CTNNBL1: variants seen among roughly 807,000 people sequenced by gnomAD.
CTNNBL1 encodes catenin beta like 1.
A neutral mutation model predicts 72.7 loss-of-function variants in CTNNBL1; 31 were observed. The observed-to-expected ratio is 0.43, with a 90% CI of 0.32 to 0.58. CTNNBL1 has a LOEUF of 0.58. CTNNBL1 is among the 20% of genes least tolerant of loss of function. The pLI is 0.08. For missense variants in CTNNBL1, 534 were observed against 725.1 expected (o/e 0.74, Z 3.03); for synonymous variants, 240 against 267.3 (o/e 0.90, Z 1.00).
chr20:37,802,121 A>C (rs558611015), intron 10 of CTNNBL1, among the ~76,000 whole-genome samples: 1 of 152,340 alleles, frequency 6.6e-6, no homozygotes, highest in African/African-American at 2.4e-5. Context: ...AACAAACCAA[A>C]TGTCCTTCAA....
Position 37,871,953 on chromosome 20 carries a change from G to A in CTNNBL1, c.1632G>A (p.Arg544=). 6.2e-7 allele frequency: 1 copy of A among 1,614,086 alleles called. No homozygotes were observed. Among genetic ancestry groups the A allele is most frequent in the Middle Eastern group, 1.6e-4 (1 of 6,062 alleles). ...ATGCAGAGAACATCGGGGACGGCCG[G>A]AGCCCGGAGTTCCGGGAGAACGAGC... ...KEYAENIGDG[R]SPEFRENEQK... Residue 544 remains arginine, a synonymous_variant, in exon 16 of 16, where the codon CGG becomes CGA. Coordinates refer to ENST00000361383, the MANE Select transcript of CTNNBL1 (RefSeq NM_030877.5).
intron 10 of CTNNBL1, among the ~76,000 whole-genome samples, chr20:37,798,254 T>A (rs546285465): frequency 6.6e-6 from 1 of 152,240 alleles, no homozygotes; most frequent in Admixed American, 6.5e-5. Flanking sequence ...AGCAAAAGTG[T>A]TTTTGCATAA....
At chr20:37,762,941 C>G (rs2073431108) in intron 5 of CTNNBL1, among the ~76,000 whole-genome samples, 2 of 152,182 alleles carry the variant, frequency 1.3e-5, no homozygotes, top group Admixed American at 6.5e-5. Context: ...CCATTCAGCT[C>G]TAGGACTTAA....
intron 1 of CTNNBL1, among the ~76,000 whole-genome samples, chr20:37,711,639 G>T (rs571968238): frequency 6.6e-6 from 1 of 151,110 alleles, no homozygotes; most frequent in South Asian, 2.1e-4. Context: ...ATAGGCTGAT[G>T]TAATATAGTG....
At chr20:37,712,628 A>C (rs1239691557) in intron 1 of CTNNBL1, among the ~76,000 whole-genome samples, 1 of 152,228 alleles carries the variant, frequency 6.6e-6, no homozygotes, top group African/African-American at 2.4e-5. Flanking sequence ...AAATAATACT[A>C]ATACAAAACA....
chr20:37,761,511 A>G lies in CTNNBL1; in HGVS notation c.565-3686A>G, dbSNP rs145216269. On this transcript the variant is annotated intron_variant, in intron 5 of 15. Coordinates refer to ENST00000361383, the MANE Select transcript of CTNNBL1 (RefSeq NM_030877.5). ...ATTCTATTCCTTCCCATTTCCATTC[A>G]TGTTCTCACCTTCATCTGTATTTGT... Among the ~76,000 whole-genome samples, 10 of 152,284 alleles carry G rather than the reference A, an allele frequency of 6.6e-5. No individual in the cohort carries two copies. The East Asian group carries it at 1.5e-3, about 24-fold the overall frequency.
chr20:37,696,948 G>C (rs2072798268), intron 1 of CTNNBL1, among the ~76,000 whole-genome samples: 1 of 152,036 alleles, frequency 6.6e-6, no homozygotes, highest in African/African-American at 2.4e-5. Flanking sequence ...TTGGAAGGCT[G>C]AGGCGGGTGG....
intron 11 of CTNNBL1, among the ~76,000 whole-genome samples, chr20:37,811,849 C>A (rs1487639358): frequency 6.6e-6 from 1 of 152,222 alleles, no homozygotes; most frequent in African/African-American, 2.4e-5. Flanking sequence ...ACATAAAGTA[C>A]CTTTATGAAT....
chr20:37,698,659 T>C (rs1045540952), intron 1 of CTNNBL1, among the ~76,000 whole-genome samples: 1 of 152,240 alleles, frequency 6.6e-6, no homozygotes, highest in Non-Finnish European at 1.5e-5. Flanking sequence ...CCATGTCCAC[T>C]CTTCCTGTTC....
In CTNNBL1 at chr20:37,757,652, C is replaced by G. The variant is rs777694815; in HGVS notation, c.560C>G (p.Ala187Gly). Residue 187 changes from alanine (A) to glycine (G), a missense_variant, in exon 5 of 16, where the codon GCT (alanine) becomes GGT (glycine). Ala to Gly is a moderately conservative substitution (Grantham distance 60). Transcript: ENST00000361383. ...GAGGGAGCAGAAGTGCTCATCGATG[C>G]TCTGGTAAGTTGCACATCCTCTGGG... ...SEEGAEVLIDALVDGQVVALL... is the reference protein window; with the variant it reads ...SEEGAEVLIDGLVDGQVVALL... 6.2e-7 allele frequency: 1 copy of G among 1,611,876 alleles called. No homozygotes were observed. The highest frequency in any genetic ancestry group is 1.7e-5 in the Admixed American group (1 of 59,912).
intron 11 of CTNNBL1, among the ~76,000 whole-genome samples, chr20:37,821,900 G>A (rs1158532318): frequency 6.6e-6 from 1 of 152,078 alleles, no homozygotes; most frequent in African/African-American, 2.4e-5. Flanking sequence ...CATAAAAATT[G>A]CAGAATATCT....
At chr20:37,827,240 T>C (rs1423820183) in intron 11 of CTNNBL1, among the ~76,000 whole-genome samples, 2 of 152,248 alleles carry the variant, frequency 1.3e-5, no homozygotes, top group African/African-American at 4.8e-5. Flanking sequence ...TTCTTCCTAT[T>C]GACAGGCCAT....
chr20:37,825,312 C>G (rs549748424), intron 11 of CTNNBL1, among the ~76,000 whole-genome samples: 2 of 151,896 alleles, frequency 1.3e-5, no homozygotes, highest in Non-Finnish European at 2.9e-5. Context: ...GAGATTGCAT[C>G]GCTGTACTCC....
rs568118853 is a variant in CTNNBL1 at position 37,758,243 on chromosome 20, C to G, written c.564+587C>G. Among the ~76,000 whole-genome samples the G allele has an allele frequency of 1.2e-4, 18 of 152,330 alleles. No individual in the cohort carries two copies. In the South Asian group the frequency reaches 3.3e-3, roughly 28 times the overall value. On this transcript the variant is annotated intron_variant, in intron 5 of 15. Coordinates refer to ENST00000361383, the MANE Select transcript of CTNNBL1 (RefSeq NM_030877.5). ...GAACAAACTTTATAGCTCATTGAGG[C>G]CAGAATGGCATTCCCTGCCTGTAGA... is the stretch of plus-strand genomic sequence containing the variant.
intron 3 of CTNNBL1, among the ~76,000 whole-genome samples, chr20:37,737,990 A>G (rs1220757454): frequency 6.6e-6 from 1 of 152,226 alleles, no homozygotes; most frequent in Non-Finnish European, 1.5e-5. Flanking sequence ...CAAAGCAGCA[A>G]CCTTATCACT....
Position 37,801,258 on chromosome 20 carries a change from CT to C in CTNNBL1, c.1032-1599del, listed in dbSNP as rs574436843. Among the ~76,000 whole-genome samples the C allele has an allele frequency of 3.2e-3, 480 of 147,972 alleles. 5 individuals carry two copies. Among genetic ancestry groups the C allele is most frequent in the African/African-American group, 0.01 (416 of 40,464 alleles). ...ATTACTTTGGTCTCCCCAGATTTAG[CT>C]TTTTTTTTTGGAAGCAGAACCCATT... On this transcript the variant is annotated intron_variant, in intron 10 of 15. Coordinates refer to ENST00000361383, the MANE Select transcript of CTNNBL1 (RefSeq NM_030877.5).
intron 11 of CTNNBL1, among the ~76,000 whole-genome samples, chr20:37,811,637 T>C (rs1413993857): frequency 6.6e-6 from 1 of 152,216 alleles, no homozygotes; most frequent in Non-Finnish European, 1.5e-5. Context: ...GTTTGTTAAC[T>C]GGTTCAAGTC....
At chr20:37,849,464 CT>C (rs2072376758) in intron 13 of CTNNBL1, among the ~76,000 whole-genome samples, 1 of 152,226 alleles carries the variant, frequency 6.6e-6, no homozygotes, top group African/African-American at 2.4e-5. Context: ...TGACCTTGTG[CT>C]TTCTCAAACC....
chr20:37,765,427 A>T (rs1358286059), intron 6 of CTNNBL1, 137 bp downstream of exon 6: 1 of 599,496 alleles, frequency 1.7e-6, no homozygotes, highest in Non-Finnish European at 3.0e-6. Context: ...CTGCCTTCTC[A>T]GAAATGAAGA....
Sources: gnomAD v4.1 joint callset for allele counts (sites outside exome capture counted in the v4.1 genomes callset) on GRCh38, gnomAD v4.1.1 for gene constraint, MANE v1.5 for transcripts, NCBI Gene and HGNC (gene_info 2026-07-23, HGNC 2026-07-21) for gene names.